The following TRIM50 variants were observed in gnomAD, a reference collection of about 807,000 sequenced individuals.
TRIM50 encodes E3 ubiquitin-protein ligase TRIM50.
TRIM50 carries 34 observed loss-of-function variants against 44.9 expected under a neutral mutation model. The ratio of observed to expected loss-of-function variants is 0.76; its 90% confidence interval spans 0.58 to 1.01. The LOEUF is 1.01. Ranked by LOEUF, TRIM50 falls within the 50% of genes least tolerant of loss-of-function variation. TRIM50 has a pLI of 0.00. For missense variants in TRIM50, 633 were observed against 663.7 expected (o/e 0.95, Z 0.51); for synonymous variants, 307 against 291.1 (o/e 1.05, Z -0.56).
chr7:73,322,461 C>T (rs1214154302), intron 2 of TRIM50, among the ~76,000 whole-genome samples: 1 of 152,194 alleles, frequency 6.6e-6, no homozygotes, highest in Non-Finnish European at 1.5e-5. Context: ...CTCCCTCCTT[C>T]CCATTAACTA....
At chr7:73,322,573 A>C (rs1804521280) in intron 2 of TRIM50, among the ~76,000 whole-genome samples, 1 of 152,174 alleles carries the variant, frequency 6.6e-6, no homozygotes, top group African/African-American at 2.4e-5. Flanking sequence ...TGCTACATCT[A>C]ACACTTTTCA....
intron 1 of TRIM50, among the ~76,000 whole-genome samples, 154 bp downstream of exon 1, chr7:73,327,746 C>G (rs1273636164): frequency 6.6e-6 from 1 of 152,252 alleles, no homozygotes; most frequent in Non-Finnish European, 1.5e-5. Flanking sequence ...CTCACGTGTT[C>G]CAAAAGTGCT....
At chr7:73,322,378 A>G (rs531530926) in intron 2 of TRIM50, among the ~76,000 whole-genome samples, 1 of 152,232 alleles carries the variant, frequency 6.6e-6, no homozygotes, top group Non-Finnish European at 1.5e-5. Flanking sequence ...TTAAGCCCAA[A>G]TCTAAAACAG....
rs1554543580 is a variant in TRIM50, at chr7:73,313,446, G to A, written c.939C>T (p.Asn313=). 6.4e-7 allele frequency: 1 copy of A among 1,557,638 alleles called. No individual in the cohort carries two copies. The highest frequency in any genetic ancestry group is 2.4e-5 in the East Asian group (1 of 42,166). ...CCAGAAGCCCGCACTGCACCACCGT[G>A]TTGCCCTTGGAGAGCTCCAGGAGTG... is the stretch of plus-strand genomic sequence containing the variant. ...AHPLLELSKG[N]TVVQCGLLAQ... The change falls in exon 7 of 7, where the codon AAC becomes AAT. Residue 313 remains asparagine, a synonymous_variant. Coordinates refer to ENST00000333149, the MANE Select transcript of TRIM50 (RefSeq NM_178125.3). The surrounding 1 kb of genome is among the most constrained non-coding windows in gnomAD (Gnocchi z 4.9).
intron 1 of TRIM50, among the ~76,000 whole-genome samples, chr7:73,326,531 C>T (rs1246825703): frequency 6.6e-6 from 1 of 151,972 alleles, no homozygotes; most frequent in Admixed American, 6.6e-5. Context: ...TGTATATACA[C>T]CCACTCTCAA....
intron 2 of TRIM50, among the ~76,000 whole-genome samples, chr7:73,321,473 T>A (rs1277046289): frequency 3.3e-5 from 5 of 152,104 alleles, no homozygotes; most frequent in Non-Finnish European, 7.4e-5. Flanking sequence ...TTAAACCTGG[T>A]GAATCCCCAC....
intron 6 of TRIM50, among the ~76,000 whole-genome samples, chr7:73,315,988 C>A (rs1804349337): frequency 1.3e-5 from 2 of 151,126 alleles, no homozygotes; most frequent in South Asian, 4.2e-4. Context: ...TCAAGTGATT[C>A]TCCTGCTTCA....
Position 73,324,273 on chromosome 7 carries a change from A to G in TRIM50, c.399+116T>C. ...CTAAGGAATGAATGCGCCAGGGCACAGCTGCAGGGAAATCGAGGATAGCTG... is the reference window on the plus strand; with the variant it reads ...CTAAGGAATGAATGCGCCAGGGCACGGCTGCAGGGAAATCGAGGATAGCTG... On this transcript the variant is annotated intron_variant, in intron 2 of 6. Coordinates refer to ENST00000333149, the MANE Select transcript of TRIM50 (RefSeq NM_178125.3). 3 of 1,553,994 alleles carry G rather than the reference A, an allele frequency of 1.9e-6. No individual in the cohort carries two copies. In the South Asian group the frequency reaches 3.5e-5, roughly 18 times the overall value.
At chr7:73,319,885 T>C (rs1804453875) in intron 3 of TRIM50, among the ~76,000 whole-genome samples, 1 of 152,102 alleles carries the variant, frequency 6.6e-6, no homozygotes, top group African/African-American at 2.4e-5. Context: ...CTTTGAGCTG[T>C]TTACCCCCTG....
At chr7:73,324,351 C>A (rs781823996) in intron 2 of TRIM50, 38 bp downstream of exon 2, 1 of 1,613,786 alleles carries the variant, frequency 6.2e-7, no homozygotes, top group Non-Finnish European at 8.5e-7. Flanking sequence ...CTGGTCCCCG[C>A]GGGCCTCTCC....
At position 73,313,395 on chromosome 7, in the gene TRIM50, C is replaced by T. The variant is rs782437331; in HGVS notation, c.990G>A (p.Glu330=). The T allele has an allele frequency of 2.5e-6, 4 of 1,585,396 alleles. No homozygotes were observed. In the African/African-American group the frequency reaches 4.0e-5, roughly 16 times the overall value. The stretch of plus-strand genomic sequence containing the variant: ...GGACGCAGGTGCTGTAGTCGAAGCG[C>T]TCAGGCTGGCTGGCTCGCCGCTGGG... The part of the protein sequence containing the change: ...LLAQRRASQP[E]RFDYSTCVLA... Residue 330 remains glutamate, a synonymous_variant, in exon 7 of 7, where the codon GAG becomes GAA. Transcript: ENST00000333149. This position sits in a 1 kb window ranked among gnomAD's most constrained non-coding sequence, Gnocchi z 4.9.
chr7:73,315,447 A>T (rs1386918377), intron 6 of TRIM50, among the ~76,000 whole-genome samples: 1 of 149,988 alleles, frequency 6.7e-6, no homozygotes, highest in Non-Finnish European at 1.5e-5. Flanking sequence ...CAGCCTCCCA[A>T]CTCCTGGGCT....
Position 73,324,825 on chromosome 7 carries a change from C to A in TRIM50, c.-18-20G>T. On this transcript the variant is annotated intron_variant, in intron 1 of 6. Transcript: ENST00000333149. ...CCCGGGCTGAAACACAGGCATCCGA[C>A]CTCAGTCCTGTCCCCTCCCCTCCCC... 1.2e-6 allele frequency: 2 copies of A among 1,612,186 alleles called. No individual in the cohort carries two copies. The highest frequency in any genetic ancestry group is 8.5e-7 in the Non-Finnish European group (1 of 1,179,650).
At chr7:73,315,237 T>C (rs1468474246) in intron 6 of TRIM50, 3 of 168,622 alleles carry the variant, frequency 1.8e-5, no homozygotes, top group Non-Finnish European at 3.9e-5. Context: ...TTGAGTTTTC[T>C]GTACATGAAA....
chr7:73,324,876 C>T (rs1563305044), intron 1 of TRIM50, 71 bp from the exon 2 acceptor site: 5 of 1,592,300 alleles, frequency 3.1e-6, no homozygotes, highest in Admixed American at 1.7e-5. Flanking sequence ...CCACCACCCT[C>T]AACCCTAAGG....
chr7:73,320,479 C>T (rs1804469358), intron 2 of TRIM50, among the ~76,000 whole-genome samples: 1 of 151,996 alleles, frequency 6.6e-6, no homozygotes, highest in African/African-American at 2.4e-5. Flanking sequence ...TGGGACTTCA[C>T]TTGAGGTCAG....
intron 1 of TRIM50, among the ~76,000 whole-genome samples, chr7:73,327,326 C>A: frequency 6.6e-6 from 1 of 151,994 alleles, no homozygotes; most frequent in Non-Finnish European, 1.5e-5. Flanking sequence ...AAATTAAAAA[C>A]TAAAAAATAA....
Position 73,324,565 on chromosome 7 carries a change from TCA to T in TRIM50, c.221_222del (p.Val74AspfsTer68). The T allele has an allele frequency of 6.2e-7, 1 of 1,614,082 alleles. No individual in the cohort carries two copies. Among genetic ancestry groups the T allele is most frequent in the East Asian group, 2.2e-5 (1 of 44,874 alleles). ...SSLPNVSLAR[V>X]IEALRLPGDP... Reference sequence around the variant, plus strand: ...TCCCCAGGGAGCCTCAGGGCTTCGATCACCCTGGCCAGGGAGACGTTGGGCAG... The same window carrying T: ...TCCCCAGGGAGCCTCAGGGCTTCGATCCCTGGCCAGGGAGACGTTGGGCAG... On this transcript the variant is annotated frameshift_variant, in exon 2 of 7. Coordinates refer to ENST00000333149, the MANE Select transcript of TRIM50 (RefSeq NM_178125.3). LOFTEE classifies it high-confidence loss of function.
intron 2 of TRIM50, among the ~76,000 whole-genome samples, chr7:73,321,337 C>A (rs1476333715): frequency 6.6e-6 from 1 of 152,126 alleles, no homozygotes; most frequent in African/African-American, 2.4e-5. Context: ...GTAGGGGACC[C>A]ATCAGGTGAA....
Sources: gnomAD v4.1 joint callset for allele counts (sites outside exome capture counted in the v4.1 genomes callset) on GRCh38, gnomAD v4.1.1 for gene constraint, Gnocchi (gnomAD v3.1) non-coding constraint, MANE v1.5 for transcripts, NCBI Gene and HGNC (gene_info 2026-07-23, HGNC 2026-07-21) for gene names.